Variants in IL16 observed in about 807,000 individuals in gnomAD.
The protein encoded by IL16 is pro-interleukin-16.
In IL16, 67 loss-of-function variants were observed where a neutral mutation model predicts 110.1. The ratio of observed to expected loss-of-function variants is 0.61; its 90% CI spans 0.50 to 0.75. The LOEUF (loss-of-function observed/expected upper bound fraction) is 0.75. IL16 is among the 30% of genes least tolerant of loss of function. The pLI is 0.00. For synonymous variants in IL16, 689 were observed against 662.9 expected, an observed-to-expected ratio of 1.04 and a Z score of -0.61; for missense variants, 1,545 against 1,655.0, an observed-to-expected ratio of 0.93 and a Z score of 1.15.
intron 1 of IL16, among the ~76,000 whole-genome samples, chr15:81,185,585 C>T (rs1213833007): frequency 1.3e-5 from 2 of 152,080 alleles, no homozygotes; most frequent in African/African-American, 4.8e-5. Context: ...CCACTGTGCC[C>T]AGCCTGGAAT....
intron 10 of IL16, among the ~76,000 whole-genome samples, chr15:81,288,685 G>A (rs1319303433): frequency 1.3e-5 from 2 of 152,000 alleles, no homozygotes; most frequent in Admixed American, 6.5e-5. Flanking sequence ...ACTACTCTAC[G>A]TTCATCGAAG....
At chr15:81,231,324 G>GTCTCTCCC (rs1896967221) in intron 2 of IL16, among the ~76,000 whole-genome samples, 1 of 47,126 alleles carries the variant, frequency 2.1e-5, no homozygotes. Flanking sequence ...AGGTCGGTCT[G>GTCTCTCCC]TCTCTCTCTC....
At chr15:81,185,674 A>G (rs1429233098) in intron 1 of IL16, among the ~76,000 whole-genome samples, 6 of 152,194 alleles carry the variant, frequency 3.9e-5, no homozygotes, top group Non-Finnish European at 8.8e-5. Flanking sequence ...AATGGGACAC[A>G]TTAAACAAAC....
chr15:81,287,991 C>T (rs1347083967), intron 10 of IL16, among the ~76,000 whole-genome samples: 1 of 152,200 alleles, frequency 6.6e-6, no homozygotes, highest in Non-Finnish European at 1.5e-5. Flanking sequence ...AGGTTGTGGG[C>T]AAATGCTGTA....
At chr15:81,253,039 G>A (rs1897823218) in intron 2 of IL16, among the ~76,000 whole-genome samples, 1 of 152,010 alleles carries the variant, frequency 6.6e-6, no homozygotes, top group Admixed American at 6.6e-5. Flanking sequence ...TTAACTTTTT[G>A]AAAAACTGAC....
intron 11 of IL16, chr15:81,292,048 C>T (rs4072680): frequency 0.49 from 221,711 of 449,202 alleles, 55,888 homozygotes; most frequent in African/African-American, 0.59. Flanking sequence ...AGAGGGAGGA[C>T]GGAGCTGAGG....
intron 15 of IL16, 119 bp downstream of exon 15, chr15:81,301,631 G>A (rs761110858): frequency 6.3e-5 from 50 of 788,158 alleles, no homozygotes; most frequent in South Asian, 8.7e-5. Flanking sequence ...CCCAGGTTGC[G>A]TCCTGTGATG....
intron 2 of IL16, among the ~76,000 whole-genome samples, chr15:81,233,035 G>A (rs1306543718): frequency 6.6e-6 from 1 of 152,130 alleles, no homozygotes; most frequent in Non-Finnish European, 1.5e-5. Context: ...TATTTATTTA[G>A]TAGAAATAGG....
chr15:81,307,674 G>A (rs897582078), intron 18 of IL16, among the ~76,000 whole-genome samples: 4 of 152,166 alleles, frequency 2.6e-5, no homozygotes, highest in African/African-American at 9.7e-5. Flanking sequence ...TCACCACCAT[G>A]GGCCCATTTG....
chr15:81,200,916 G>T lies in IL16; in HGVS notation c.-102+3764G>T, dbSNP rs117542594. On this transcript the variant is annotated intron_variant, in intron 1 of 18. Transcript: ENST00000683961. The stretch of plus-strand genomic sequence containing the variant: ...TAAGAGAGCCTCGAGCAATGGTGAG[G>T]GTTGGAGAAGGTGGACAGGTGGCCC... Among the ~76,000 whole-genome samples the T allele has an allele frequency of 1.2e-4, 18 of 152,222 alleles. No homozygotes were observed. In the East Asian group the frequency reaches 3.5e-3, roughly 29 times the overall value.
chr15:81,306,241 CTACT>C, intron 17 of IL16, 75 bp downstream of exon 17: 3 of 1,551,396 alleles, frequency 1.9e-6, no homozygotes, highest in African/African-American at 2.7e-5. Context: ...CCTGATGGGG[CTACT>C]CAGTAATTTG....
chr15:81,228,382 G>A (rs1368241320), intron 2 of IL16, among the ~76,000 whole-genome samples: 1 of 150,828 alleles, frequency 6.6e-6, no homozygotes, highest in Non-Finnish European at 1.5e-5. Flanking sequence ...GTACAGGGGT[G>A]CGATCTCAGC....
intron 2 of IL16, among the ~76,000 whole-genome samples, chr15:81,237,310 A>G (rs948230701): frequency 3.3e-5 from 5 of 152,194 alleles, no homozygotes; most frequent in African/African-American, 1.2e-4. Flanking sequence ...CCCATTGAAG[A>G]ATGGCAACTA....
chr15:81,283,489 G>A lies in IL16; in HGVS notation c.1199+733G>A, dbSNP rs185689913. Among the ~76,000 whole-genome samples, 387 of 152,242 alleles carry A rather than the reference G, an allele frequency of 2.5e-3. 2 individuals are homozygous for A. Among genetic ancestry groups the A allele is most frequent in the African/African-American group, 8.3e-3 (344 of 41,544 alleles). On this transcript the variant is annotated intron_variant, in intron 9 of 18. Transcript: ENST00000683961. ...TTGTTAGAAATGTGGAATCTCAGAC[G>A]CCCGGACCCAGACCTGCTGAACGAG...
chr15:81,217,827 C>A lies in IL16; in HGVS notation c.-101-7472C>A, dbSNP rs142977475. Among the ~76,000 whole-genome samples the A allele has an allele frequency of 2.1e-3, 320 of 152,236 alleles. 1 individual carries two copies. The highest frequency in any genetic ancestry group is 6.8e-3 in the Middle Eastern group (2 of 294). ...AAAAAAGCATTTAATAAACAACCACCCGTTCTTGATGAAAATGCTTCCAAA... is the reference window on the plus strand; with the variant it reads ...AAAAAAGCATTTAATAAACAACCACACGTTCTTGATGAAAATGCTTCCAAA... On this transcript the variant is annotated intron_variant, in intron 1 of 18. Coordinates refer to ENST00000683961, the MANE Select transcript of IL16 (RefSeq NM_172217.5).
intron 2 of IL16, among the ~76,000 whole-genome samples, chr15:81,229,760 T>C (rs1175029888): frequency 6.6e-6 from 1 of 152,164 alleles, no homozygotes. Flanking sequence ...CCATGCCCTG[T>C]CTGCCTCCCT....
intron 1 of IL16, among the ~76,000 whole-genome samples, chr15:81,183,175 C>T (rs867660123): frequency 2.0e-5 from 3 of 152,300 alleles, no homozygotes; most frequent in South Asian, 2.1e-4. Context: ...ATTGCAGGAC[C>T]CCCACAGGGG....
intron 6 of IL16, among the ~76,000 whole-genome samples, chr15:81,276,002 G>A (rs956549022): frequency 1.3e-5 from 2 of 152,218 alleles, no homozygotes; most frequent in Non-Finnish European, 2.9e-5. Flanking sequence ...GCCCCAGTAA[G>A]ATGGACATTC....
intron 1 of IL16, among the ~76,000 whole-genome samples, chr15:81,199,030 A>AAATAT (rs1555411597): frequency 4.8e-5 from 5 of 104,200 alleles, no homozygotes; most frequent in East Asian, 6.3e-4. Flanking sequence ...AAAAAAAAAA[A>AAATAT]ATATATATAT....
Sources: gnomAD v4.1 joint callset for allele counts (sites outside exome capture counted in the v4.1 genomes callset) on GRCh38, gnomAD v4.1.1 for gene constraint, MANE v1.5 for transcripts, NCBI Gene and HGNC (gene_info 2026-07-23, HGNC 2026-07-21) for gene names.